Variants in SLC6A17 observed in about 807,000 individuals in gnomAD.
SLC6A17 encodes the protein solute carrier family 6 member 17.
In SLC6A17, 21 loss-of-function variants were observed where a neutral mutation model predicts 64.5. That is an observed-to-expected ratio of 0.33 (90% confidence interval 0.23 to 0.47). SLC6A17 has a LOEUF of 0.47. Among genes scored for constraint, SLC6A17 ranks in the 20% least tolerant of loss-of-function variants. The pLI is 1.00. For synonymous variants in SLC6A17, 372 were observed against 399.5 expected (o/e 0.93, Z 0.82); for missense variants, 682 against 963.2 (o/e 0.71, Z 3.86).
chr1:110,172,290 C>A, intron 3 of SLC6A17, 73 bp downstream of exon 3: 3 of 1,500,746 alleles, frequency 2.0e-6, no homozygotes, highest in Non-Finnish European at 2.7e-6. Flanking sequence ...ACGAGGTCAC[C>A]GAGTTTCCAG....
Position 110,192,359 on chromosome 1 carries a change from C to T in SLC6A17, c.1106+146C>T. The stretch of plus-strand genomic sequence containing the variant: ...GAGATCAGAGGAGCACTCTCTGTCC[C>T]CAGCTCCGGGCCACAGGGACAAGCT... On this transcript the variant is annotated intron_variant, in intron 7 of 11. Coordinates refer to ENST00000331565, the MANE Select transcript of SLC6A17 (RefSeq NM_001010898.4). The surrounding 1 kb of genome is among the most constrained non-coding windows in gnomAD (Gnocchi z 4.3). 1 of 1,453,774 alleles carries T rather than the reference C, an allele frequency of 6.9e-7. No homozygotes were observed. The highest frequency in any genetic ancestry group is 1.4e-5 in the African/African-American group (1 of 70,864). 90.1% of individuals were successfully genotyped at this position (1,453,774 alleles called of 1,614,324 possible).
At chr1:110,172,314 G>C in intron 3 of SLC6A17, 97 bp downstream of exon 3, 1 of 1,432,584 alleles carries the variant, frequency 7.0e-7, no homozygotes, top group Non-Finnish European at 9.3e-7. Context: ...AGAGTCCTAC[G>C]TCAGGACAAG....
At chr1:110,187,240 G>A (rs1162954901) in intron 6 of SLC6A17, among the ~76,000 whole-genome samples, 1 of 152,124 alleles carries the variant, frequency 6.6e-6, no homozygotes, top group African/African-American at 2.4e-5. Context: ...AGAACAATTC[G>A]CGAATCGGGC....
chr1:110,177,912 T>G (rs1656414569), intron 6 of SLC6A17: 1 of 152,272 alleles, frequency 6.6e-6, no homozygotes. Flanking sequence ...AAATGGTCCC[T>G]CAGTGTTCTT....
chr1:110,167,449 GC>G (rs1235183858), intron 2 of SLC6A17, among the ~76,000 whole-genome samples: 1 of 152,134 alleles, frequency 6.6e-6, no homozygotes, highest in Non-Finnish European at 1.5e-5. Flanking sequence ...TCAGATTCCA[GC>G]CCTGCCAATC....
intron 6 of SLC6A17, among the ~76,000 whole-genome samples, chr1:110,183,362 A>G (rs1656582448): frequency 6.6e-6 from 1 of 152,242 alleles, no homozygotes; most frequent in South Asian, 2.1e-4. Context: ...AAAGAAGCCA[A>G]ACACAAAAGA....
intron 5 of SLC6A17, among the ~76,000 whole-genome samples, chr1:110,176,104 A>G (rs925124462): frequency 3.9e-5 from 6 of 152,142 alleles, no homozygotes; most frequent in Non-Finnish European, 7.3e-5. Flanking sequence ...GCCATGTACC[A>G]CGCACGCAGG....
At chr1:110,167,245 T>C in intron 2 of SLC6A17, 30 bp downstream of exon 2, 2 of 1,589,856 alleles carry the variant, frequency 1.3e-6, no homozygotes, top group Non-Finnish European at 1.7e-6. Flanking sequence ...GCATCAGGGG[T>C]CCCCTGCAAA....
chr1:110,161,934 C>T (rs1655921766), intron 1 of SLC6A17, among the ~76,000 whole-genome samples: 1 of 152,220 alleles, frequency 6.6e-6, no homozygotes, highest in Non-Finnish European at 1.5e-5. Context: ...TGTCTGCCTC[C>T]CAGTCACACT....
chr1:110,161,814 G>A (rs1210329271), intron 1 of SLC6A17, among the ~76,000 whole-genome samples: 1 of 152,156 alleles, frequency 6.6e-6, no homozygotes, highest in African/African-American at 2.4e-5. Flanking sequence ...GCTTTGTCCT[G>A]GTGCCAGGGT....
At chr1:110,163,305 C>G (rs1479163069) in intron 1 of SLC6A17, among the ~76,000 whole-genome samples, 1 of 152,074 alleles carries the variant, frequency 6.6e-6, no homozygotes, top group Non-Finnish European at 1.5e-5. Context: ...ATGCTTCTCT[C>G]CACCCACCTC....
intron 6 of SLC6A17, among the ~76,000 whole-genome samples, chr1:110,188,847 C>T (rs1656753305): frequency 1.3e-5 from 2 of 152,198 alleles, no homozygotes; most frequent in Admixed American, 6.5e-5. Flanking sequence ...CTCCCCTCTG[C>T]CTCTCTCTTT....
intron 2 of SLC6A17, among the ~76,000 whole-genome samples, chr1:110,170,669 G>C (rs1656196524): frequency 6.6e-6 from 1 of 152,182 alleles, no homozygotes; most frequent in African/African-American, 2.4e-5. Flanking sequence ...GCACCATGAT[G>C]GGGCTGCTTG....
Position 110,192,823 on chromosome 1 carries a change from A to T in SLC6A17, c.1299+125A>T. 3.6e-6 allele frequency: 4 copies of T among 1,107,118 alleles called. No homozygotes were observed. The South Asian group carries it at 6.7e-5, about 18-fold the overall frequency. 68.6% of individuals were successfully genotyped at this position (1,107,118 alleles called of 1,614,324 possible). On this transcript the variant is annotated intron_variant, in intron 8 of 11. Coordinates refer to ENST00000331565, the MANE Select transcript of SLC6A17 (RefSeq NM_001010898.4). The surrounding 1 kb of genome is among the most constrained non-coding windows in gnomAD (Gnocchi z 4.3). ...TCATTAGTTTACTTGGTAAGCAAGG[A>T]TCTGCTGTGTGTCCAGAGGGAGTGA...
intron 2 of SLC6A17, among the ~76,000 whole-genome samples, chr1:110,170,476 TC>T (rs1457524372): frequency 2.0e-5 from 3 of 152,012 alleles, no homozygotes; most frequent in African/African-American, 7.2e-5. Flanking sequence ...AGAGCAAGAC[TC>T]CCTCTCAAAA....
chr1:110,157,340 C>T (rs751705709), intron 1 of SLC6A17, among the ~76,000 whole-genome samples: 44 of 152,084 alleles, frequency 2.9e-4, no homozygotes, highest in South Asian at 1.7e-3. Context: ...TTTGGGAGGC[C>T]GAGGGAGGTA....
At chr1:110,170,267 G>A (rs1213635635) in intron 2 of SLC6A17, among the ~76,000 whole-genome samples, 7 of 152,080 alleles carry the variant, frequency 4.6e-5, no homozygotes, top group African/African-American at 1.7e-4. Context: ...GGCGGATCAC[G>A]AGGTCAGGAG....
chr1:110,195,925 C>G (rs1051209482), intron 10 of SLC6A17, among the ~76,000 whole-genome samples, 180 bp downstream of exon 10: 2 of 152,150 alleles, frequency 1.3e-5, no homozygotes, highest in African/African-American at 4.8e-5. Flanking sequence ...CAGGGAGAAA[C>G]AGAGCCAGTC....
Position 110,182,154 on chromosome 1 carries a change from G to T in SLC6A17, c.864+5415G>T, listed in dbSNP as rs192186509. Among the ~76,000 whole-genome samples, 21 of 152,304 alleles carry T rather than the reference G, an allele frequency of 1.4e-4. No individual in the cohort carries two copies. The East Asian group carries it at 3.9e-3, about 28-fold the overall frequency. On this transcript the variant is annotated intron_variant, in intron 6 of 11. Transcript: ENST00000331565. ...ATGGCAATGGGAGTGATGAGAGTTG[G>T]TTCGATGGAAGATACATTTCAGAAG...
Sources: allele counts gnomAD v4.1 joint callset (sites outside exome capture counted in the v4.1 genomes callset), GRCh38; gene constraint gnomAD v4.1.1; non-coding constraint Gnocchi (gnomAD v3.1); transcripts MANE v1.5; gene names NCBI Gene and HGNC (gene_info 2026-07-23, HGNC 2026-07-21).